BLM: variants seen among roughly 807,000 people sequenced by gnomAD.
BLM encodes the protein BLM RecQ like helicase.
BLM carries 95 observed loss-of-function variants against 135.3 expected under a neutral mutation model. The observed-to-expected ratio is 0.70, with a 90% confidence interval of 0.59 to 0.83. The LOEUF (loss-of-function observed/expected upper bound fraction) is 0.83, where lower values mean the gene tolerates loss of function less well. Ranked by LOEUF, BLM falls within the 40% of genes least tolerant of loss-of-function variation. BLM has a pLI of 0.00. For synonymous variants in BLM, 520 were observed against 589.2 expected (o/e 0.88, Z 1.70); for missense variants, 1,518 against 1,663.9 (o/e 0.91, Z 1.53).
At chr15:90,811,082 T>C in intron 20 of BLM, 123 bp from the exon 21 acceptor site, 2 of 976,276 alleles carry the variant, frequency 2.0e-6, no homozygotes, top group Non-Finnish European at 3.3e-6. Context: ...GTTGAATCCA[T>C]ATGGCAGGGA....
intron 9 of BLM, among the ~76,000 whole-genome samples, chr15:90,765,650 T>C (rs1896104503): frequency 6.6e-6 from 1 of 152,270 alleles, no homozygotes; most frequent in Admixed American, 6.5e-5. Flanking sequence ...TTTGCTGATG[T>C]AAATTTTTTT....
chr15:90,771,599 T>A (rs895104717), intron 12 of BLM, among the ~76,000 whole-genome samples: 2 of 147,974 alleles, frequency 1.4e-5, no homozygotes, highest in African/African-American at 5.0e-5. Flanking sequence ...TCTATAATTT[T>A]TTTTTTTTTT....
At chr15:90,808,708 T>A in intron 19 of BLM, 1 of 253,808 alleles carries the variant, frequency 3.9e-6, no homozygotes, top group South Asian at 4.7e-5. Context: ...CCGTCTAGGG[T>A]GGGGTGTACA....
chr15:90,758,411 G>A (rs563297752), intron 5 of BLM, among the ~76,000 whole-genome samples: 4 of 152,230 alleles, frequency 2.6e-5, no homozygotes, highest in African/African-American at 9.6e-5. Flanking sequence ...CACTTGAACC[G>A]GGGAAACGGA....
intron 1 of BLM, among the ~76,000 whole-genome samples, chr15:90,737,484 A>G (rs896551167): frequency 2.0e-5 from 3 of 152,208 alleles, no homozygotes; most frequent in African/African-American, 4.8e-5. Context: ...TGGTGATTCT[A>G]TGGCTGAAGC....
At chr15:90,731,378 T>G (rs973831596) in intron 1 of BLM, among the ~76,000 whole-genome samples, 1 of 152,250 alleles carries the variant, frequency 6.6e-6, no homozygotes, top group Non-Finnish European at 1.5e-5. Flanking sequence ...ATCAGAGTTA[T>G]GCTAGCCTCA....
chr15:90,815,384 C>T lies in BLM; in HGVS notation c.*105C>T. On this transcript the variant is annotated 3_prime_UTR_variant, in exon 22 of 22. Coordinates refer to ENST00000355112, the MANE Select transcript of BLM (RefSeq NM_000057.4). The surrounding 1 kb of genome is among the most constrained non-coding windows in gnomAD (Gnocchi z 4.6). ...TGTTATACCATTTGAAGTTTTTACT[C>T]GTCTCTATTAATATTTAAATAAATG... 4.9e-6 allele frequency: 6 copies of T among 1,225,492 alleles called. No individual in the cohort carries two copies. Among genetic ancestry groups the T allele is most frequent in the South Asian group, 1.3e-5 (1 of 77,748 alleles). 75.9% of individuals were successfully genotyped at this position (1,225,492 alleles called of 1,614,324 possible).
chr15:90,750,396 T>G (rs1895650657), intron 3 of BLM, among the ~76,000 whole-genome samples: 1 of 152,122 alleles, frequency 6.6e-6, no homozygotes, highest in South Asian at 2.1e-4. Flanking sequence ...TTGCATCACT[T>G]CTCTTGCGCT....
chr15:90,800,325 G>C (rs1243563026), intron 17 of BLM, among the ~76,000 whole-genome samples: 1 of 152,246 alleles, frequency 6.6e-6, no homozygotes, highest in Admixed American at 6.5e-5. Flanking sequence ...CATGGGTCCA[G>C]TGAAGAAAAC....
chr15:90,737,133 A>C (rs1455931153), intron 1 of BLM, among the ~76,000 whole-genome samples: 1 of 152,028 alleles, frequency 6.6e-6, no homozygotes, highest in Non-Finnish European at 1.5e-5. Flanking sequence ...ATGTACCCTT[A>C]ATCTGAAGAA....
At chr15:90,800,376 T>C (rs931809735) in intron 17 of BLM, among the ~76,000 whole-genome samples, 7 of 152,144 alleles carry the variant, frequency 4.6e-5, no homozygotes, top group African/African-American at 1.7e-4. Context: ...AAGCAATCTA[T>C]GCAGACTAAC....
At chr15:90,775,499 T>TA (rs1896450743) in intron 12 of BLM, among the ~76,000 whole-genome samples, 9 of 144,748 alleles carry the variant, frequency 6.2e-5, no homozygotes, top group African/African-American at 2.2e-4. Context: ...GTTTTTATTT[T>TA]TTATATATAT....
intron 6 of BLM, 117 bp downstream of exon 6, chr15:90,760,396 C>T (rs1895941434): frequency 7.2e-7 from 1 of 1,386,260 alleles, no homozygotes; most frequent in South Asian, 1.2e-5. Flanking sequence ...TAAGGATGAT[C>T]ATCATGCCAC....
intron 13 of BLM, among the ~76,000 whole-genome samples, chr15:90,784,539 A>G (rs1474887375): frequency 6.6e-6 from 1 of 151,300 alleles, no homozygotes; most frequent in Admixed American, 6.6e-5. Context: ...TTTCACCATG[A>G]TGTCCAGGCT....
rs1205667946 is a variant in BLM at position 90,749,491 on chromosome 15, G to C, written c.223G>C (p.Glu75Gln). 6.2e-7 allele frequency: 1 copy of C among 1,614,030 alleles called. No individual in the cohort carries two copies. Among genetic ancestry groups the C allele is most frequent in the African/African-American group, 1.3e-5 (1 of 75,042 alleles). The change falls in exon 3 of 22, where the codon GAA (glutamate) becomes CAA (glutamine). Residue 75 changes from glutamate to glutamine, a missense_variant. Physicochemically the swap from Glu to Gln is conservative, Grantham distance 29. Coordinates refer to ENST00000355112, the MANE Select transcript of BLM (RefSeq NM_000057.4). Reference sequence around the variant, plus strand: ...TGTTACCGAAGACTTTTCCTTCAGTGAACCTCTACCCAACACCACAAATCA... The same window carrying C: ...TGTTACCGAAGACTTTTCCTTCAGTCAACCTCTACCCAACACCACAAATCA... The part of the protein sequence containing the change: ...VNVTEDFSFS[E>Q]PLPNTTNQQR...
intron 19 of BLM, among the ~76,000 whole-genome samples, chr15:90,808,147 T>C (rs1164891414): frequency 6.6e-6 from 1 of 152,250 alleles, no homozygotes; most frequent in Non-Finnish European, 1.5e-5. Flanking sequence ...CTACAACAGC[T>C]TCCCAGATAA....
intron 17 of BLM, 86 bp from the exon 18 acceptor site, chr15:90,803,435 T>C: frequency 8.1e-7 from 1 of 1,241,584 alleles, no homozygotes; most frequent in Non-Finnish European, 1.2e-6. Context: ...TCCAAACCTG[T>C]CCATAAATGA....
intron 20 of BLM, 104 bp downstream of exon 20, chr15:90,809,363 G>T: frequency 5.7e-6 from 9 of 1,565,558 alleles, no homozygotes; most frequent in Non-Finnish European, 7.9e-6. Context: ...CCTACACCTC[G>T]TCACACTGAC....
intron 16 of BLM, among the ~76,000 whole-genome samples, chr15:90,795,383 GGCAGGAGAATC>G (rs1321163787): frequency 1.3e-5 from 2 of 152,196 alleles, no homozygotes; most frequent in Non-Finnish European, 2.9e-5. Context: ...GGGAAGCTGA[GGCAGGAGAATC>G]GCTTGAACCT....
Sources: gnomAD v4.1 joint callset for allele counts (sites outside exome capture counted in the v4.1 genomes callset) on GRCh38, gnomAD v4.1.1 for gene constraint, Gnocchi (gnomAD v3.1) non-coding constraint, MANE v1.5 for transcripts, NCBI Gene and HGNC (gene_info 2026-07-23, HGNC 2026-07-21) for gene names.